MCPH1: variants seen among roughly 807,000 people sequenced by gnomAD.
MCPH1 encodes microcephalin 1, also known as microcephalin.
Under a neutral mutation model 84.5 loss-of-function variants are expected in MCPH1, and 104 were observed. That is an observed-to-expected ratio of 1.23 (90% CI 1.05 to 1.45). The LOEUF (loss-of-function observed/expected upper bound fraction) is 1.45. Ranked by LOEUF, MCPH1 falls within the 40% of genes most tolerant of loss-of-function variation. MCPH1 has a pLI of 0.00. For missense variants in MCPH1, 1,498 were observed against 1,005.7 expected (o/e 1.49, Z -6.62); for synonymous variants, 514 against 366.8 (o/e 1.40, Z -4.58).
chr8:6,589,739 T>C (rs1024172036), intron 12 of MCPH1, among the ~76,000 whole-genome samples: 3 of 152,252 alleles, frequency 2.0e-5, no homozygotes, highest in Non-Finnish European at 4.4e-5. Flanking sequence ...TGACACGTGC[T>C]GCAACCAAAT....
chr8:6,437,837 C>G (rs896296338), intron 5 of MCPH1, among the ~76,000 whole-genome samples: 13 of 152,190 alleles, frequency 8.5e-5, no homozygotes, highest in African/African-American at 3.1e-4. Context: ...CTTCCCTCCT[C>G]TCTCCCCTGA....
At position 6,501,124 on chromosome 8, in the gene MCPH1, A is replaced by T. The variant is rs371117853; in HGVS notation, c.2214+1195A>T. 31 of 152,376 alleles carry T rather than the reference A, an allele frequency of 2.0e-4. No homozygotes were observed. The South Asian group carries it at 6.2e-3, about 31-fold the overall frequency. The allele number at this position is 152,376 out of a possible 1,614,324, so 9.4% of individuals were successfully genotyped here. A position where few individuals can be genotyped will look rare whatever the true frequency, so the allele number is the denominator to read the frequency against. On this transcript the variant is annotated intron_variant, in intron 12 of 13. Coordinates refer to ENST00000344683, the MANE Select transcript of MCPH1 (RefSeq NM_024596.5). The stretch of plus-strand genomic sequence containing the variant: ...ACAGTTCTAAGATAGGGAGGTTCTT[A>T]ACTAGTTAAATAGTTGTTGGAAAAG...
chr8:6,480,509 A>G (rs547883356), intron 10 of MCPH1, among the ~76,000 whole-genome samples: 1 of 152,332 alleles, frequency 6.6e-6, no homozygotes, highest in African/African-American at 2.4e-5. Flanking sequence ...CTTCTCAGCC[A>G]TTAAAATAGA....
intron 5 of MCPH1, among the ~76,000 whole-genome samples, chr8:6,436,528 G>A (rs928656640): frequency 6.6e-6 from 1 of 151,640 alleles, no homozygotes; most frequent in Non-Finnish European, 1.5e-5. Context: ...TTTTTGTTTT[G>A]TTACCCTGAA....
At chr8:6,465,053 G>T (rs1409710422) in intron 9 of MCPH1, among the ~76,000 whole-genome samples, 1 of 152,056 alleles carries the variant, frequency 6.6e-6, no homozygotes, top group Non-Finnish European at 1.5e-5. Context: ...CTGAGCAAAG[G>T]AGAGATGTGG....
intron 12 of MCPH1, chr8:6,527,635 T>TTCCAAGAGCTGAAGTTCAAGTCTCGTGG (rs1334282121): frequency 6.2e-7 from 1 of 1,614,056 alleles, no homozygotes; most frequent in Non-Finnish European, 8.5e-7. Context: ...AGAGGGAGTG[T>TTCCAAGAGCTGAAGTTCAAGTCTCGTGG]TCCAAGAGCT....
chr8:6,611,459 T>A (rs935603085), intron 12 of MCPH1, among the ~76,000 whole-genome samples: 1 of 152,030 alleles, frequency 6.6e-6, no homozygotes, highest in Non-Finnish European at 1.5e-5. Flanking sequence ...TCACAAACGT[T>A]ATTTTGAAAG....
chr8:6,473,320 C>CTTTTTTTTTTTTTTTTT (rs56077837), intron 9 of MCPH1, among the ~76,000 whole-genome samples: 1 of 76,396 alleles, frequency 1.3e-5, no homozygotes, highest in African/African-American at 5.3e-5. Context: ...TCTCTCAATC[C>CTTTTTTTTTTTTTTTTT]TTTTTTTTTT....
At chr8:6,531,338 G>C (rs1819475626) in intron 12 of MCPH1, among the ~76,000 whole-genome samples, 2 of 150,556 alleles carry the variant, frequency 1.3e-5, no homozygotes, top group Admixed American at 6.6e-5. Context: ...GCCCAGGCTG[G>C]AGTGCAGTGG....
chr8:6,437,448 C>G (rs3020269), intron 5 of MCPH1, among the ~76,000 whole-genome samples: 2,248 of 152,212 alleles, frequency 0.015, 56 homozygotes, highest in African/African-American at 0.051. Flanking sequence ...CCAGGATGAT[C>G]TCAAACTCTT....
Position 6,539,092 on chromosome 8 carries a change from C to CAGT in MCPH1, c.2214+39165_2214+39167dup, listed in dbSNP as rs545640801. 2.7e-3 allele frequency among the ~76,000 whole-genome samples: 409 copies of CAGT among 152,232 alleles called. 1 individual carries two copies. Among genetic ancestry groups the CAGT allele is most frequent in the Non-Finnish European group, 5.0e-3 (337 of 68,028 alleles). ...GCTGCCTAAGCAGCTGTGTACTCAG[C>CAGT]AGTACTTCATGGCAGAGGCTGAGCC... is the stretch of plus-strand genomic sequence containing the variant. On this transcript the variant is annotated intron_variant, in intron 12 of 13. Transcript: ENST00000344683.
chr8:6,640,200 G>GAGCCC (rs1797856343), intron 13 of MCPH1, among the ~76,000 whole-genome samples: 1 of 151,856 alleles, frequency 6.6e-6, no homozygotes, highest in Admixed American at 6.6e-5. Context: ...ATTCTAGTCC[G>GAGCCC]AGCCCAGGCT....
chr8:6,596,737 G>A (rs73661435), intron 12 of MCPH1, among the ~76,000 whole-genome samples: 1,574 of 152,256 alleles, frequency 0.01, 33 homozygotes, highest in African/African-American at 0.036. Context: ...GCCAAAAAAC[G>A]GTAGAACTGA....
Position 6,467,709 on chromosome 8 carries a change from G to C in MCPH1, c.1936-9885G>C, listed in dbSNP as rs140506842. ...TGCCTGGGCTCAAGTGATCCCTCCAGCCTTGGCCTCATGAGTAGCTGAGAC... is the reference window on the plus strand; with the variant it reads ...TGCCTGGGCTCAAGTGATCCCTCCACCCTTGGCCTCATGAGTAGCTGAGAC... On this transcript the variant is annotated intron_variant, in intron 9 of 13. Coordinates refer to ENST00000344683, the MANE Select transcript of MCPH1 (RefSeq NM_024596.5). Among the ~76,000 whole-genome samples, 315 of 152,214 alleles carry C rather than the reference G, an allele frequency of 2.1e-3. 2 individuals are homozygous for C. Among genetic ancestry groups the C allele is most frequent in the African/African-American group, 7.4e-3 (307 of 41,516 alleles).
chr8:6,496,513 G>A (rs893213288), intron 11 of MCPH1, among the ~76,000 whole-genome samples: 19 of 152,114 alleles, frequency 1.2e-4, no homozygotes, highest in Admixed American at 1.2e-3. Flanking sequence ...TTCGCCACAC[G>A]GAAGCCCCCC....
At chr8:6,434,667 C>T (rs1217666018) in intron 4 of MCPH1, among the ~76,000 whole-genome samples, 2 of 152,176 alleles carry the variant, frequency 1.3e-5, no homozygotes, top group Non-Finnish European at 2.9e-5. Context: ...GAATAACTAA[C>T]AGAGCAAGAT....
At chr8:6,516,460 T>C (rs1816292232) in intron 12 of MCPH1, among the ~76,000 whole-genome samples, 1 of 152,174 alleles carries the variant, frequency 6.6e-6, no homozygotes, top group Non-Finnish European at 1.5e-5. Context: ...TCCACTGACA[T>C]CATGCTGCCA....
At chr8:6,574,004 C>T (rs1826866092) in intron 12 of MCPH1, among the ~76,000 whole-genome samples, 1 of 152,184 alleles carries the variant, frequency 6.6e-6, no homozygotes, top group Non-Finnish European at 1.5e-5. Context: ...GGTCTCAAAA[C>T]ATTCTTACAA....
At chr8:6,480,640 A>T in intron 10 of MCPH1, 74 bp from the exon 11 acceptor site, 3 of 1,556,840 alleles carry the variant, frequency 1.9e-6, no homozygotes, top group Non-Finnish European at 2.7e-6. Flanking sequence ...TAGTACTAAT[A>T]TTGAGTGTAA....
Sources: gnomAD v4.1 joint callset for allele counts (sites outside exome capture counted in the v4.1 genomes callset) on GRCh38, gnomAD v4.1.1 for gene constraint, MANE v1.5 for transcripts, NCBI Gene and HGNC (gene_info 2026-07-23, HGNC 2026-07-21) for gene names.